ROR2: variants seen among roughly 807,000 people sequenced by gnomAD.
ROR2 encodes the protein tyrosine-protein kinase transmembrane receptor ROR2.
ROR2 carries 33 observed loss-of-function variants against 74.9 expected under a neutral mutation model. That is an observed-to-expected ratio of 0.44 (90% CI 0.33 to 0.59). The LOEUF is 0.59. ROR2 is among the 20% of genes least tolerant of loss of function. The pLI is 0.02. For missense variants in ROR2, 1,216 were observed against 1,313.8 expected (o/e 0.93, Z 1.15); for synonymous variants, 586 against 558.7 (o/e 1.05, Z -0.69).
intron 1 of ROR2, among the ~76,000 whole-genome samples, chr9:91,778,319 ACAC>A: frequency 6.6e-6 from 1 of 152,314 alleles, no homozygotes; most frequent in East Asian, 1.9e-4. Flanking sequence ...CAACCTCACA[ACAC>A]CACAACTTGC....
At chr9:91,819,517 GTGTC>G (rs1001721043) in intron 1 of ROR2, among the ~76,000 whole-genome samples, 68 of 151,498 alleles carry the variant, frequency 4.5e-4, no homozygotes, top group African/African-American at 1.3e-3. Context: ...CGTGTGTTCT[GTGTC>G]TGTCTTTGTG....
chr9:91,832,088 C>A (rs1387699519), intron 1 of ROR2, among the ~76,000 whole-genome samples: 2 of 152,076 alleles, frequency 1.3e-5, no homozygotes, highest in Admixed American at 1.3e-4. Flanking sequence ...CCCTGTAGAG[C>A]AGGATGAGGA....
At chr9:91,779,700 T>G (rs895803858) in intron 1 of ROR2, among the ~76,000 whole-genome samples, 1 of 152,216 alleles carries the variant, frequency 6.6e-6, no homozygotes, top group Non-Finnish European at 1.5e-5. Context: ...TTCTTAATGA[T>G]GCAATCCCTG....
At chr9:91,779,959 T>C (rs559084328) in intron 1 of ROR2, among the ~76,000 whole-genome samples, 1 of 152,368 alleles carries the variant, frequency 6.6e-6, no homozygotes, top group South Asian at 2.1e-4. Context: ...GTCTTGTATA[T>C]TCCAGGCTGA....
At chr9:91,947,168 G>A (rs529926372) in intron 1 of ROR2, among the ~76,000 whole-genome samples, 1 of 152,262 alleles carries the variant, frequency 6.6e-6, no homozygotes, top group Admixed American at 6.5e-5. Context: ...CCTGGAAAAC[G>A]CACATTTTAA....
At chr9:91,941,746 TCCCCA>T (rs1249122936) in intron 1 of ROR2, among the ~76,000 whole-genome samples, 1 of 151,376 alleles carries the variant, frequency 6.6e-6, no homozygotes, top group Non-Finnish European at 1.5e-5. Flanking sequence ...TTGTACTGTC[TCCCCA>T]CCCCGCCCAG....
At position 91,735,606 on chromosome 9, in the gene ROR2, C is replaced by CTTTTTTTTTT. The variant is rs35146225; in HGVS notation, c.622+1775_622+1784dup. 1.1e-3 allele frequency among the ~76,000 whole-genome samples: 83 copies of CTTTTTTTTTT among 79,008 alleles called. 3 individuals are homozygous for CTTTTTTTTTT. Among genetic ancestry groups the CTTTTTTTTTT allele is most frequent in the East Asian group, 3.5e-3 (7 of 2,002 alleles). 51.8% of individuals were successfully genotyped at this position (79,008 alleles called of 152,430 possible). ...GCACGGTTCCTACTAAGGGCTCTAACTTTTTTTTTTTTTTTTTTTTTTTTT... is the reference window on the plus strand; with the variant it reads ...GCACGGTTCCTACTAAGGGCTCTAACTTTTTTTTTTTTTTTTTTTTTTTTTTTTTTTTTTT... On this transcript the variant is annotated intron_variant, in intron 5 of 8. Transcript: ENST00000375708.
intron 1 of ROR2, among the ~76,000 whole-genome samples, chr9:91,906,158 T>A (rs1327841508): frequency 6.6e-6 from 1 of 152,098 alleles, no homozygotes; most frequent in Non-Finnish European, 1.5e-5. Context: ...CAACTCCGCC[T>A]GCAGAAGGAG....
chr9:91,934,318 C>A (rs940520343), intron 1 of ROR2, among the ~76,000 whole-genome samples: 12 of 151,894 alleles, frequency 7.9e-5, no homozygotes, highest in African/African-American at 2.7e-4. Context: ...TTTGATCATA[C>A]CCCAGCACCA....
chr9:91,779,546 T>G (rs1826543364), intron 1 of ROR2, among the ~76,000 whole-genome samples: 1 of 152,002 alleles, frequency 6.6e-6, no homozygotes, highest in African/African-American at 2.4e-5. Flanking sequence ...AATTTTTGTA[T>G]TTTTAGTAGA....
In ROR2 at chr9:91,905,077, C is replaced by T. The variant is rs1395879177; in HGVS notation, c.97+44790G>A. On this transcript the variant is annotated intron_variant, in intron 1 of 8. Coordinates refer to ENST00000375708, the MANE Select transcript of ROR2 (RefSeq NM_004560.4). The surrounding 1 kb of genome is among the most constrained non-coding windows in gnomAD (Gnocchi z 5.3). ...CACCACACAGACATACAACATATAC[C>T]ACACACAGCACATACACAAAACTCA... Among the ~76,000 whole-genome samples the T allele has an allele frequency of 6.6e-6, 1 of 151,432 alleles. No individual in the cohort carries two copies. The highest frequency in any genetic ancestry group is 1.5e-5 in the Non-Finnish European group (1 of 67,854).
chr9:91,756,739 TTCTC>T (rs1564254628), intron 3 of ROR2, among the ~76,000 whole-genome samples: 1 of 136,710 alleles, frequency 7.3e-6, no homozygotes, highest in Non-Finnish European at 1.5e-5. Context: ...TTTCTTTTTG[TTCTC>T]TTTTTTTTTT....
At chr9:91,933,156 CA>C (rs1014962905) in intron 1 of ROR2, among the ~76,000 whole-genome samples, 11 of 148,354 alleles carry the variant, frequency 7.4e-5, no homozygotes, top group South Asian at 6.4e-4. Flanking sequence ...ACCAAAAATA[CA>C]AAAAAAAAAT....
intron 1 of ROR2, among the ~76,000 whole-genome samples, chr9:91,806,621 G>A (rs891216472): frequency 2.0e-5 from 3 of 152,034 alleles, no homozygotes; most frequent in East Asian, 1.9e-4. Flanking sequence ...ACAGAGTCTC[G>A]CTCTGTCGCC....
intron 1 of ROR2, among the ~76,000 whole-genome samples, chr9:91,826,943 G>A (rs1828312800): frequency 6.6e-6 from 1 of 152,148 alleles, no homozygotes; most frequent in South Asian, 2.1e-4. Flanking sequence ...AGAAAATTGG[G>A]AAAGTGCTAG....
At chr9:91,941,883 C>A (rs540043478) in intron 1 of ROR2, among the ~76,000 whole-genome samples, 2 of 152,036 alleles carry the variant, frequency 1.3e-5, no homozygotes, top group Non-Finnish European at 2.9e-5. Context: ...CTCCACCTCC[C>A]GGGTTCAAGT....
chr9:91,745,130 T>C (rs1825366650), intron 4 of ROR2, among the ~76,000 whole-genome samples: 1 of 151,396 alleles, frequency 6.6e-6, no homozygotes, highest in East Asian at 1.9e-4. Flanking sequence ...TTATATTATA[T>C]ATATATATTT....
At chr9:91,896,110 G>A (rs950114188) in intron 1 of ROR2, among the ~76,000 whole-genome samples, 1 of 152,162 alleles carries the variant, frequency 6.6e-6, no homozygotes, top group Non-Finnish European at 1.5e-5. Context: ...GAAATCCATA[G>A]AACACATTAC....
intron 1 of ROR2, among the ~76,000 whole-genome samples, chr9:91,917,441 C>A (rs1318550980): frequency 6.6e-6 from 1 of 152,182 alleles, no homozygotes; most frequent in Non-Finnish European, 1.5e-5. Context: ...TGGACGCTGA[C>A]ACATTATGCA....
Sources: gnomAD v4.1 joint callset for allele counts (sites outside exome capture counted in the v4.1 genomes callset) on GRCh38, gnomAD v4.1.1 for gene constraint, Gnocchi (gnomAD v3.1) non-coding constraint, MANE v1.5 for transcripts, NCBI Gene and HGNC (gene_info 2026-07-23, HGNC 2026-07-21) for gene names.